The following ROBO2 variants were observed in gnomAD, a reference collection of about 807,000 sequenced individuals.
ROBO2 encodes roundabout guidance receptor 2, also known as roundabout homolog 2.
ROBO2 carries 53 observed loss-of-function variants against 160.8 expected under a neutral mutation model. The ratio of observed to expected loss-of-function variants is 0.33; its 90% CI spans 0.26 to 0.41. ROBO2 has a LOEUF of 0.41. ROBO2 is among the 10% of genes least tolerant of loss of function. The probability of loss-of-function intolerance (pLI) is 1.00; values close to 1 mark genes in which losing one functional copy is unlikely to be tolerated. For missense variants in ROBO2, 1,577 were observed against 1,722.4 expected (o/e 0.92, Z 1.49); for synonymous variants, 664 against 611.7 (o/e 1.09, Z -1.26).
At chr3:76,741,243 T>A (rs192252632) in intron 2 of ROBO2, among the ~76,000 whole-genome samples, 1 of 152,096 alleles carries the variant, frequency 6.6e-6, no homozygotes, top group African/African-American at 2.4e-5. Flanking sequence ...GATAAAAATT[T>A]CCAATTTTTA....
rs953324907 is a variant in ROBO2 at position 76,085,754 on chromosome 3, C to G, written c.109+148152C>G. ...AGTGCCACACTAGGGAAACCTGAACCGTAATTGAGGAATTGCTGGAGACCC... is the reference window on the plus strand; with the variant it reads ...AGTGCCACACTAGGGAAACCTGAACGGTAATTGAGGAATTGCTGGAGACCC... On this transcript the variant is annotated intron_variant, in intron 2 of 26. Coordinates refer to the ROBO2 transcript ENST00000487694. 4.6e-5 allele frequency among the ~76,000 whole-genome samples: 7 copies of G among 152,154 alleles called. No individual in the cohort carries two copies. The South Asian group carries it at 1.5e-3, about 32-fold the overall frequency.
intron 2 of ROBO2, among the ~76,000 whole-genome samples, chr3:76,086,481 G>T (rs116170292): frequency 6.6e-6 from 1 of 152,224 alleles, no homozygotes; most frequent in African/African-American, 2.4e-5. Context: ...ATGGGCAGAG[G>T]TTGTGGATGG....
intron 2 of ROBO2, among the ~76,000 whole-genome samples, chr3:77,412,141 A>C (rs1581739769): frequency 1.3e-5 from 2 of 151,364 alleles, no homozygotes; most frequent in East Asian, 3.9e-4. Flanking sequence ...AAAGTACCCC[A>C]GGCAGTGCTT....
At chr3:76,313,455 A>G (rs1045495709) in intron 2 of ROBO2, among the ~76,000 whole-genome samples, 2 of 152,144 alleles carry the variant, frequency 1.3e-5, no homozygotes, top group East Asian at 3.9e-4. Flanking sequence ...CCCTTTTCAC[A>G]ATGTAAGGAT....
intron 2 of ROBO2, among the ~76,000 whole-genome samples, chr3:76,963,863 AAAG>A (rs1165674290): frequency 6.6e-6 from 1 of 151,372 alleles, no homozygotes; most frequent in Non-Finnish European, 1.5e-5. Context: ...AAAAAAGAAA[AAAG>A]AAATAAAAAG....
intron 1 of ROBO2, among the ~76,000 whole-genome samples, chr3:77,096,846 G>C (rs865979807): frequency 6.6e-6 from 1 of 152,246 alleles, no homozygotes. Context: ...TGTGCATGGT[G>C]ATATACCAAA....
intron 2 of ROBO2, among the ~76,000 whole-genome samples, chr3:76,806,367 A>G (rs2064713585): frequency 6.6e-6 from 1 of 151,982 alleles, no homozygotes; most frequent in South Asian, 2.1e-4. Context: ...TGTTACTCAA[A>G]ATGTCTAGAT....
At chr3:76,269,392 G>T (rs1389709000) in intron 2 of ROBO2, among the ~76,000 whole-genome samples, 1 of 151,752 alleles carries the variant, frequency 6.6e-6, no homozygotes, top group Non-Finnish European at 1.5e-5. Context: ...CTCTTCCATT[G>T]CTTCTTGACG....
At chr3:76,567,986 TG>T (rs2084708240) in intron 2 of ROBO2, among the ~76,000 whole-genome samples, 1 of 150,744 alleles carries the variant, frequency 6.6e-6, no homozygotes, top group Non-Finnish European at 1.5e-5. Context: ...AGATAATTTT[TG>T]TATTTTCAGT....
At chr3:76,261,086 A>C (rs1706714785) in intron 2 of ROBO2, among the ~76,000 whole-genome samples, 1 of 151,952 alleles carries the variant, frequency 6.6e-6, no homozygotes, top group Admixed American at 6.6e-5. Flanking sequence ...ATTTAATTCA[A>C]CTTTCAGTCT....
At chr3:76,252,595 A>G (rs1176256157) in intron 2 of ROBO2, among the ~76,000 whole-genome samples, 5 of 152,008 alleles carry the variant, frequency 3.3e-5, no homozygotes, top group Non-Finnish European at 5.9e-5. Context: ...TGAACATTAC[A>G]AAGATGATGT....
At chr3:76,097,198 T>G (rs1440727616) in intron 2 of ROBO2, among the ~76,000 whole-genome samples, 1 of 152,212 alleles carries the variant, frequency 6.6e-6, no homozygotes, top group Non-Finnish European at 1.5e-5. Flanking sequence ...ATGTACTCTG[T>G]GCCAACCCTA....
rs74368904 is a variant in ROBO2, at chr3:76,538,727, C to T, written c.110-559287C>T. On this transcript the variant is annotated intron_variant, in intron 2 of 26. Coordinates refer to the ROBO2 transcript ENST00000487694. ...GTACCCAACAGGTAGTTTTTCAGGC[C>T]TTGCCTCCGTCCCTCCCTTCCCTCT... Among the ~76,000 whole-genome samples, 466 of 152,298 alleles carry T rather than the reference C, an allele frequency of 3.1e-3. 3 individuals are homozygous for T. Among genetic ancestry groups the T allele is most frequent in the African/African-American group, 0.011 (458 of 41,552 alleles).
At chr3:76,564,667 C>T (rs2084402889) in intron 2 of ROBO2, among the ~76,000 whole-genome samples, 1 of 152,172 alleles carries the variant, frequency 6.6e-6, no homozygotes, top group Admixed American at 6.5e-5. Flanking sequence ...TGGAAGCTTC[C>T]TGGCCTGAAA....
intron 2 of ROBO2, among the ~76,000 whole-genome samples, chr3:77,414,766 G>A (rs537731604): frequency 1.1e-3 from 168 of 152,338 alleles, no homozygotes; most frequent in Middle Eastern, 3.4e-3. Context: ...TGGAAAATAA[G>A]TGGGAACCCT....
intron 2 of ROBO2, among the ~76,000 whole-genome samples, chr3:76,668,620 T>C (rs2092145402): frequency 1.3e-5 from 2 of 152,202 alleles, no homozygotes; most frequent in Non-Finnish European, 2.9e-5. Flanking sequence ...TAAGATTAAC[T>C]TGATTTACCA....
At chr3:76,289,899 G>C (rs745773641) in intron 2 of ROBO2, among the ~76,000 whole-genome samples, 12 of 152,158 alleles carry the variant, frequency 7.9e-5, no homozygotes, top group Non-Finnish European at 1.3e-4. Context: ...TGTAGTCTTA[G>C]AATGTAGTTT....
At chr3:77,364,066 G>A (rs1001769995) in intron 2 of ROBO2, among the ~76,000 whole-genome samples, 2 of 152,162 alleles carry the variant, frequency 1.3e-5, no homozygotes, top group African/African-American at 4.8e-5. Flanking sequence ...AGGTATATGA[G>A]GCAATTGAAG....
rs140569908 is a variant in ROBO2, at chr3:77,479,599, C to T, written c.547-1500C>T. On this transcript the variant is annotated intron_variant, in intron 3 of 25. Transcript: ENST00000461745. ...CCCAACACCAGTCTCACTATTAACACTGTGAGATCTACATTACCAAAGAGA... is the reference window on the plus strand; with the variant it reads ...CCCAACACCAGTCTCACTATTAACATTGTGAGATCTACATTACCAAAGAGA... Among the ~76,000 whole-genome samples, 610 of 152,198 alleles carry T rather than the reference C, an allele frequency of 4.0e-3. 7 individuals are homozygous for T. Among genetic ancestry groups the T allele is most frequent in the African/African-American group, 0.014 (582 of 41,532 alleles).
Sources: gnomAD v4.1 joint callset for allele counts (sites outside exome capture counted in the v4.1 genomes callset) on GRCh38, gnomAD v4.1.1 for gene constraint, MANE v1.5 for transcripts, NCBI Gene and HGNC (gene_info 2026-07-23, HGNC 2026-07-21) for gene names.